Variants in NUCB2 observed in about 807,000 individuals in gnomAD.
The protein encoded by NUCB2 is nucleobindin-2.
A neutral mutation model predicts 57.9 loss-of-function variants in NUCB2; 48 were observed. That is an observed-to-expected ratio of 0.83 (90% CI 0.66 to 1.05). The LOEUF is 1.05. Ranked by LOEUF, NUCB2 falls within the 50% of genes least tolerant of loss-of-function variation. NUCB2 has a pLI of 0.00. For missense variants in NUCB2, 442 were observed against 476.2 expected, an observed-to-expected ratio of 0.93 and a Z score of 0.67; for synonymous variants, 139 against 152.1, an observed-to-expected ratio of 0.91 and a Z score of 0.64.
intron 2 of NUCB2, among the ~76,000 whole-genome samples, chr11:17,347,541 TA>T (rs984538642): frequency 2.2e-4 from 33 of 152,336 alleles, no homozygotes; most frequent in Admixed American, 1.3e-3. Flanking sequence ...TATGAACAAA[TA>T]TTTTTTTAAT....
At chr11:17,299,907 A>G (rs1436181564) in intron 4 of NUCB2, among the ~76,000 whole-genome samples, 1 of 148,788 alleles carries the variant, frequency 6.7e-6, no homozygotes, top group African/African-American at 2.4e-5. Flanking sequence ...TGTGTCATAA[A>G]ATAAAATAAA....
chr11:17,340,400 T>A (rs1215351927), intron 2 of NUCB2, among the ~76,000 whole-genome samples: 2 of 152,242 alleles, frequency 1.3e-5, no homozygotes, highest in Non-Finnish European at 2.9e-5. Flanking sequence ...TTGCTTTTGG[T>A]GTTTTAGACA....
chr11:17,312,485 C>A lies in NUCB2; in HGVS notation c.912+365C>A, dbSNP rs1948643570. ...GTGGCGCGACCTCGGCTCACTGCAA[C>A]CTCCGCCTCCCAGATTCAAGCAATT... On this transcript the variant is annotated intron_variant, in intron 10 of 13. Transcript: ENST00000529010. Among the ~76,000 whole-genome samples, 2 of 151,710 alleles carry A rather than the reference C, an allele frequency of 1.3e-5. 1 individual carries two copies.
chr11:17,311,802 A>G (rs906102050), intron 8 of NUCB2, 70 bp from the exon 9 acceptor site: 3 of 1,056,470 alleles, frequency 2.8e-6, no homozygotes, highest in South Asian at 3.0e-5. Context: ...ACCCTTTATA[A>G]ATCATTGTAT....
chr11:17,330,857 T>C lies in NUCB2; in HGVS notation c.1174-45T>C, dbSNP rs371767850. ...GCTTTGTCAAAGGTCACACATATGA[T>C]AGAAAATCAAGTTATACTTTTAACT... On this transcript the variant is annotated intron_variant, in intron 12 of 13. Transcript: ENST00000529010. This position sits in a 1 kb window ranked among gnomAD's most constrained non-coding sequence, Gnocchi z 4.3. The C allele has an allele frequency of 1.8e-5, 20 of 1,134,826 alleles. No individual in the cohort carries two copies. In the East Asian group the frequency reaches 3.6e-4, roughly 20 times the overall value. 70.3% of individuals were successfully genotyped at this position (1,134,826 alleles called of 1,614,324 possible). A position where few individuals can be genotyped will look rare whatever the true frequency, so the allele number is the denominator to read the frequency against.
chr11:17,312,076 A>G lies in NUCB2; in HGVS notation c.868A>G (p.Met290Val). The change falls in exon 10 of 14, where the codon ATG (methionine) becomes GTG (valine). Residue 290 changes from methionine to valine, a missense_variant. Met to Val is a conservative substitution (Grantham distance 21, BLOSUM62 1). Coordinates refer to ENST00000529010, the MANE Select transcript of NUCB2 (RefSeq NM_005013.4). Reference protein sequence around the residue: ...PKNEEDDMVEMEEERLRMREH... With the variant: ...PKNEEDDMVEVEEERLRMREH... ...AAATGAAGAGGATGATATGGTAGAAATGGAAGAAGAAAGGCTTAGAATGAG... is the reference window on the plus strand; with the variant it reads ...AAATGAAGAGGATGATATGGTAGAAGTGGAAGAAGAAAGGCTTAGAATGAG... 6.3e-7 allele frequency: 1 copy of G among 1,591,218 alleles called. No individual in the cohort carries two copies. Among genetic ancestry groups the G allele is most frequent in the South Asian group, 1.1e-5 (1 of 87,268 alleles).
chr11:17,286,179 G>C (rs1418877782), intron 2 of NUCB2, among the ~76,000 whole-genome samples: 2 of 152,120 alleles, frequency 1.3e-5, no homozygotes, highest in African/African-American at 4.8e-5. Flanking sequence ...GGGACTACAG[G>C]CATGTGCCAC....
At chr11:17,282,236 C>CTATCTA (rs370686689) in intron 1 of NUCB2, among the ~76,000 whole-genome samples, 2,576 of 103,602 alleles carry the variant, frequency 0.025, 51 homozygotes, top group Admixed American at 0.067. Flanking sequence ...ATCTATCTAT[C>CTATCTA]TATATATATA....
At chr11:17,338,622 C>T (rs1242699616) in intron 2 of NUCB2, among the ~76,000 whole-genome samples, 6 of 152,072 alleles carry the variant, frequency 3.9e-5, no homozygotes, top group Non-Finnish European at 1.5e-5. Context: ...ATTTATTTTA[C>T]AATTCTTATA....
At chr11:17,313,595 GC>G (rs757439013) in intron 10 of NUCB2, among the ~76,000 whole-genome samples, 93 of 152,058 alleles carry the variant, frequency 6.1e-4, no homozygotes, top group Non-Finnish European at 1.1e-3. Flanking sequence ...TCTGGTTACT[GC>G]CTCATTTCTC....
At chr11:17,280,571 G>A (rs1034805919) in intron 1 of NUCB2, among the ~76,000 whole-genome samples, 5 of 152,148 alleles carry the variant, frequency 3.3e-5, no homozygotes, top group Non-Finnish European at 7.4e-5. Flanking sequence ...AGCAATCCAC[G>A]TTTCCTAGCT....
chr11:17,303,044 T>G (rs1034059706), intron 5 of NUCB2, among the ~76,000 whole-genome samples: 3 of 152,018 alleles, frequency 2.0e-5, no homozygotes, highest in Admixed American at 2.0e-4. Context: ...GGCCTAGTTG[T>G]TTTTTTAATT....
rs1197990432 is a variant in NUCB2, at chr11:17,282,949, TA to T, written c.-1+7del. 2 of 152,212 alleles carry T rather than the reference TA, an allele frequency of 1.3e-5. No homozygotes were observed. Among genetic ancestry groups the T allele is most frequent in the East Asian group, 3.9e-4 (2 of 5,182 alleles). 9.4% of individuals were successfully genotyped at this position (152,212 alleles called of 1,614,324 possible). ...AATTATTTACCTGCCTGAACGTAAGTACTCAATAATTGCATTTGGTTGCAAA... is the reference window on the plus strand; with the variant it reads ...AATTATTTACCTGCCTGAACGTAAGTCTCAATAATTGCATTTGGTTGCAAA... On this transcript the variant is annotated splice_region_variant and intron_variant, in intron 2 of 13. Transcript: ENST00000529010.
chr11:17,285,706 T>C (rs1437635372), intron 2 of NUCB2, among the ~76,000 whole-genome samples: 2 of 130,652 alleles, frequency 1.5e-5, no homozygotes, highest in African/African-American at 6.0e-5. Context: ...ATCGCGCCAC[T>C]GCACTCCAGC....
At chr11:17,337,736 C>T (rs1203842934) in intron 2 of NUCB2, among the ~76,000 whole-genome samples, 2 of 152,202 alleles carry the variant, frequency 1.3e-5, no homozygotes, top group Admixed American at 6.5e-5. Context: ...ATGTTTCAAG[C>T]GATTCTCCTG....
At chr11:17,342,853 A>G (rs1952392015) in intron 2 of NUCB2, among the ~76,000 whole-genome samples, 1 of 152,010 alleles carries the variant, frequency 6.6e-6, no homozygotes, top group South Asian at 2.1e-4. Flanking sequence ...GCTGAGTTCA[A>G]TTCCTGGATA....
intron 2 of NUCB2, among the ~76,000 whole-genome samples, chr11:17,340,727 G>A (rs1591634682): frequency 1.3e-5 from 2 of 152,150 alleles, no homozygotes; most frequent in East Asian, 3.9e-4. Context: ...TTTGGTACCA[G>A]TACCGTGCTG....
At chr11:17,315,753 T>C (rs573015249) in intron 11 of NUCB2, among the ~76,000 whole-genome samples, 2 of 152,294 alleles carry the variant, frequency 1.3e-5, no homozygotes, top group South Asian at 4.1e-4. Context: ...ATTAGAAATA[T>C]AGATATATTG....
chr11:17,293,483 G>C (rs2138347689), intron 2 of NUCB2, among the ~76,000 whole-genome samples: 1 of 152,186 alleles, frequency 6.6e-6, no homozygotes, highest in East Asian at 1.9e-4. Context: ...AAAACAGTTT[G>C]GCAGTTCCTC....
Sources: gnomAD v4.1 joint callset for allele counts (sites outside exome capture counted in the v4.1 genomes callset) on GRCh38, gnomAD v4.1.1 for gene constraint, Gnocchi (gnomAD v3.1) non-coding constraint, MANE v1.5 for transcripts, NCBI Gene and HGNC (gene_info 2026-07-23, HGNC 2026-07-21) for gene names.